SAMTOR: variants seen among roughly 807,000 people sequenced by gnomAD.
The protein encoded by SAMTOR is UPF0532 protein C7orf60.
the SAMTOR span, among the ~76,000 whole-genome samples, chr7:112,886,114 T>A: frequency 3.9e-5 from 6 of 152,236 alleles, no homozygotes; most frequent in Admixed American, 3.3e-4. Context: ...TCACTTGGTA[T>A]CATGAGAACA....
the SAMTOR span, among the ~76,000 whole-genome samples, chr7:112,855,864 G>A: frequency 6.6e-6 from 1 of 151,846 alleles, no homozygotes; most frequent in South Asian, 2.1e-4. Context: ...TGGAAGCGGG[G>A]GCATCTTCAG....
chr7:112,891,602 A>G, the SAMTOR span, among the ~76,000 whole-genome samples: 1 of 152,252 alleles, frequency 6.6e-6, no homozygotes, highest in Admixed American at 6.5e-5. Context: ...GAAATACCTC[A>G]GAGATACTAC....
the SAMTOR span, among the ~76,000 whole-genome samples, chr7:112,835,234 G>A: frequency 2.0e-5 from 3 of 151,936 alleles, no homozygotes; most frequent in Non-Finnish European, 4.4e-5. Context: ...ATTATTTTGT[G>A]TACTCCAGGT....
chr7:112,910,739 C>CCTTTA, the SAMTOR span, among the ~76,000 whole-genome samples: 1 of 151,968 alleles, frequency 6.6e-6, no homozygotes, highest in Non-Finnish European at 1.5e-5. Flanking sequence ...CTGAATCAAT[C>CCTTTA]CTTTAGACCC....
At chr7:112,873,640 G>A in the SAMTOR span, among the ~76,000 whole-genome samples, 1 of 152,068 alleles carries the variant, frequency 6.6e-6, no homozygotes, top group Non-Finnish European at 1.5e-5. Flanking sequence ...ACACTGTAGT[G>A]GACATTGGCC....
the SAMTOR span, among the ~76,000 whole-genome samples, chr7:112,874,010 C>T: frequency 6.6e-6 from 1 of 152,088 alleles, no homozygotes; most frequent in Non-Finnish European, 1.5e-5. Context: ...GACACCGTCT[C>T]ATATCAGTCA....
the SAMTOR span, among the ~76,000 whole-genome samples, chr7:112,892,509 C>A: frequency 3.9e-5 from 6 of 152,182 alleles, no homozygotes; most frequent in Non-Finnish European, 8.8e-5. Flanking sequence ...TGACTCATGC[C>A]TGTAATCCTA....
At chr7:112,897,962 C>A in the SAMTOR span, among the ~76,000 whole-genome samples, 9 of 152,314 alleles carry the variant, frequency 5.9e-5, no homozygotes, top group Non-Finnish European at 1.2e-4. Flanking sequence ...TCCCAAGCCC[C>A]GGCAGTACAC....
chr7:112,877,769 T>TCTTGTGAGAC, the SAMTOR span, among the ~76,000 whole-genome samples: 4 of 151,092 alleles, frequency 2.6e-5, no homozygotes, highest in African/African-American at 9.7e-5. Context: ...AACAGTGAGT[T>TCTTGTGAGAC]CTTGTGAGAC....
At chr7:112,832,608 A>C in the SAMTOR span, 1 of 1,613,508 alleles carries the variant, frequency 6.2e-7, no homozygotes, top group East Asian at 2.2e-5. Flanking sequence ...AATTCTTCAA[A>C]CTTCAGAAAT....
the SAMTOR span, among the ~76,000 whole-genome samples, chr7:112,926,755 A>G: frequency 3.3e-5 from 5 of 152,300 alleles, no homozygotes; most frequent in East Asian, 7.7e-4. Flanking sequence ...ATTGGTATCA[A>G]AAAAAGGGGA....
chr7:112,850,515 G>C, the SAMTOR span, among the ~76,000 whole-genome samples: 1 of 152,140 alleles, frequency 6.6e-6, no homozygotes. Context: ...AGCTGGCTGT[G>C]AACTTGGTCC....
the SAMTOR span, among the ~76,000 whole-genome samples, chr7:112,928,922 C>T: frequency 2.0e-5 from 3 of 151,728 alleles, no homozygotes; most frequent in African/African-American, 7.2e-5. Flanking sequence ...AATTTATTAG[C>T]TCAAGGAGAA....
the SAMTOR span, among the ~76,000 whole-genome samples, chr7:112,913,571 ACTT>A: frequency 1.3e-5 from 2 of 152,162 alleles, no homozygotes; most frequent in Non-Finnish European, 2.9e-5. Context: ...AAATCCTGTC[ACTT>A]CTTTTGTCAA....
the SAMTOR span, among the ~76,000 whole-genome samples, chr7:112,874,600 A>G: frequency 3.1e-4 from 47 of 152,278 alleles, 3 homozygotes; most frequent in East Asian, 7.2e-3. Context: ...ATCACGCAAC[A>G]TATCCTTGTA....
At chr7:112,922,910 C>T in the SAMTOR span, among the ~76,000 whole-genome samples, 4 of 149,250 alleles carry the variant, frequency 2.7e-5, no homozygotes, top group East Asian at 4.0e-4. Context: ...CCGGGCCAGC[C>T]GCCCCATCCG....
the SAMTOR span, among the ~76,000 whole-genome samples, chr7:112,912,228 A>C: frequency 6.6e-6 from 1 of 152,002 alleles, no homozygotes; most frequent in Admixed American, 6.6e-5. Context: ...GTTATCTGTA[A>C]TTTACCTTCA....
At chr7:112,923,991 A>G in the SAMTOR span, among the ~76,000 whole-genome samples, 6 of 151,042 alleles carry the variant, frequency 4.0e-5, no homozygotes, top group Admixed American at 4.0e-4. Context: ...GGAATTGAAT[A>G]ATGAGAACAC....
chr7:112,868,615 G>C, the SAMTOR span, among the ~76,000 whole-genome samples: 1 of 152,178 alleles, frequency 6.6e-6, no homozygotes. Context: ...AGGACTGAGA[G>C]GAGGACACCA....
Sources: gnomAD v4.1 joint callset for allele counts (sites outside exome capture counted in the v4.1 genomes callset) on GRCh38, gnomAD v4.1.1 for gene constraint, MANE v1.5 for transcripts, NCBI Gene and HGNC (gene_info 2026-07-23, HGNC 2026-07-21) for gene names.